HPSE2: variants seen among roughly 807,000 people sequenced by gnomAD.
HPSE2 encodes the protein heparanase 2 (inactive).
Under a neutral mutation model 60.5 loss-of-function variants are expected in HPSE2, and 38 were observed. The observed-to-expected ratio is 0.63, with a 90% confidence interval of 0.48 to 0.82. The LOEUF (loss-of-function observed/expected upper bound fraction) is 0.82. HPSE2 is among the 40% of genes least tolerant of loss of function. The pLI is 0.00. For synonymous variants in HPSE2, 295 were observed against 293.2 expected (o/e 1.01, Z -0.06); for missense variants, 713 against 740.4 (o/e 0.96, Z 0.43).
chr10:98,676,410 A>C (rs1947643598), intron 6 of HPSE2, among the ~76,000 whole-genome samples: 1 of 152,170 alleles, frequency 6.6e-6, no homozygotes, highest in Non-Finnish European at 1.5e-5. Flanking sequence ...ACCTACATCT[A>C]GGTCTCCATG....
intron 9 of HPSE2, among the ~76,000 whole-genome samples, chr10:98,557,281 G>A (rs1350718079): frequency 6.6e-6 from 1 of 152,072 alleles, no homozygotes; most frequent in African/African-American, 2.4e-5. Context: ...TAGACAAACC[G>A]ACCAGTGAAA....
the HPSE2 span, among the ~76,000 whole-genome samples, chr10:99,282,510 A>C: frequency 1.3e-5 from 2 of 152,218 alleles, no homozygotes; most frequent in Non-Finnish European, 2.9e-5. Flanking sequence ...ACAACATTAC[A>C]AACTAATAAC....
At chr10:99,152,139 G>T (rs146652542) in intron 2 of HPSE2, among the ~76,000 whole-genome samples, 1 of 151,734 alleles carries the variant, frequency 6.6e-6, no homozygotes, top group African/African-American at 2.4e-5. Context: ...GTGAAACCCC[G>T]TCTCTACTAA....
At chr10:98,757,259 G>A (rs1251104302) in intron 3 of HPSE2, among the ~76,000 whole-genome samples, 1 of 152,096 alleles carries the variant, frequency 6.6e-6, no homozygotes, top group Non-Finnish European at 1.5e-5. Context: ...CATTTCCCTT[G>A]AGAACCAGAA....
chr10:99,018,419 T>C (rs1009860872), intron 3 of HPSE2, among the ~76,000 whole-genome samples: 5 of 152,214 alleles, frequency 3.3e-5, no homozygotes, highest in Non-Finnish European at 7.3e-5. Context: ...TTAAACATGC[T>C]TCCAAGCCTC....
At chr10:98,639,168 A>C (rs1030338056) in intron 7 of HPSE2, among the ~76,000 whole-genome samples, 6 of 152,178 alleles carry the variant, frequency 3.9e-5, no homozygotes, top group African/African-American at 1.4e-4. Flanking sequence ...ACGGGAGTGA[A>C]CAAGCCTTCT....
chr10:98,647,231 G>T (rs1188801927), intron 6 of HPSE2, among the ~76,000 whole-genome samples: 1 of 152,182 alleles, frequency 6.6e-6, no homozygotes, highest in African/African-American at 2.4e-5. Flanking sequence ...CAGGCCCCTA[G>T]ATTCAGTCTT....
At chr10:99,009,240 C>CAAAAAAA (rs56775967) in intron 3 of HPSE2, among the ~76,000 whole-genome samples, 3 of 74,422 alleles carry the variant, frequency 4.0e-5, no homozygotes, top group African/African-American at 1.9e-4. Flanking sequence ...CCAGTGTCTA[C>CAAAAAAA]AAAAAAAAAA....
chr10:98,925,493 G>T (rs1196256623), intron 3 of HPSE2, among the ~76,000 whole-genome samples: 1 of 151,786 alleles, frequency 6.6e-6, no homozygotes, highest in Non-Finnish European at 1.5e-5. Context: ...CCTCATTATT[G>T]CTGAGCAGGT....
At chr10:98,999,936 A>G (rs185248534) in intron 3 of HPSE2, among the ~76,000 whole-genome samples, 6 of 152,300 alleles carry the variant, frequency 3.9e-5, no homozygotes, top group Admixed American at 2.0e-4. Context: ...AATTTGCAGT[A>G]TGATAGATGA....
chr10:99,126,008 C>T lies in HPSE2; in HGVS notation c.610+18230G>A, dbSNP rs577893656. Among the ~76,000 whole-genome samples, 6 of 152,234 alleles carry T rather than the reference C, an allele frequency of 3.9e-5. No individual in the cohort carries two copies. Among genetic ancestry groups the T allele is most frequent in the East Asian group, 1.9e-4 (1 of 5,178 alleles). On this transcript the variant is annotated intron_variant, in intron 3 of 11. Transcript: ENST00000370552. The surrounding 1 kb of genome is among the most constrained non-coding windows in gnomAD (Gnocchi z 4.0). ...GGCGAATGGGGACTGCTGCAGATAA[C>T]GAGCACAGGAGCTGGTGATGACAGT...
At chr10:98,945,123 T>C (rs1370537753) in intron 3 of HPSE2, among the ~76,000 whole-genome samples, 2 of 152,110 alleles carry the variant, frequency 1.3e-5, no homozygotes, top group Non-Finnish European at 2.9e-5. Flanking sequence ...CAATATACCT[T>C]TTGTGTATGG....
intron 9 of HPSE2, among the ~76,000 whole-genome samples, chr10:98,494,448 C>A (rs1236247974): frequency 3.3e-5 from 5 of 152,228 alleles, no homozygotes; most frequent in Non-Finnish European, 7.3e-5. Context: ...GAGGAACAGG[C>A]TATGACCTAA....
chr10:99,294,042 C>T, the HPSE2 span, among the ~76,000 whole-genome samples: 1 of 152,142 alleles, frequency 6.6e-6, no homozygotes, highest in African/African-American at 2.4e-5. Flanking sequence ...TGCTACTAAA[C>T]CTACTTAGGG....
chr10:99,215,116 C>G (rs1022921069), intron 2 of HPSE2, among the ~76,000 whole-genome samples: 28 of 152,174 alleles, frequency 1.8e-4, no homozygotes, highest in African/African-American at 6.3e-4. Flanking sequence ...ATAACTCACC[C>G]GGCCCAACCT....
upstream of HPSE2, among the ~76,000 whole-genome samples, chr10:99,237,291 G>A (rs992914184): frequency 2.0e-5 from 3 of 152,070 alleles, no homozygotes; most frequent in Admixed American, 1.3e-4. Flanking sequence ...GGCCCTCCTT[G>A]GTATCAAACA....
At chr10:99,088,679 C>A (rs1843410597) in intron 3 of HPSE2, among the ~76,000 whole-genome samples, 1 of 152,148 alleles carries the variant, frequency 6.6e-6, no homozygotes, top group South Asian at 2.1e-4. Context: ...GTGCAAGTAT[C>A]TTTTTCGTAT....
At chr10:99,255,583 C>G in the HPSE2 span, among the ~76,000 whole-genome samples, 87 of 151,860 alleles carry the variant, frequency 5.7e-4, no homozygotes, top group African/African-American at 2.0e-3. Flanking sequence ...CACACACACA[C>G]ACACACACAC....
At chr10:98,742,470 T>C (rs1296212381) in intron 4 of HPSE2, among the ~76,000 whole-genome samples, 1 of 151,854 alleles carries the variant, frequency 6.6e-6, no homozygotes. Flanking sequence ...AATGAAAATG[T>C]TGGAATCAAT....
Sources: allele counts gnomAD v4.1 joint callset (sites outside exome capture counted in the v4.1 genomes callset), GRCh38; gene constraint gnomAD v4.1.1; non-coding constraint Gnocchi (gnomAD v3.1); transcripts MANE v1.5; gene names NCBI Gene and HGNC (gene_info 2026-07-23, HGNC 2026-07-21).